PSEN1: variants seen among roughly 807,000 people sequenced by gnomAD.
PSEN1 encodes the protein presenilin-1.
Under a neutral mutation model 53.5 loss-of-function variants are expected in PSEN1, and 15 were observed. The observed-to-expected ratio is 0.28, with a 90% CI of 0.19 to 0.43. The LOEUF (loss-of-function observed/expected upper bound fraction) is 0.43. Among genes scored for constraint, PSEN1 ranks in the 20% least tolerant of loss-of-function variants. The pLI is 1.00. For synonymous variants in PSEN1, 208 were observed against 209.8 expected (o/e 0.99, Z 0.08); for missense variants, 387 against 571.2 (o/e 0.68, Z 3.29).
intron 8 of PSEN1, among the ~76,000 whole-genome samples, chr14:73,199,046 G>C (rs1177230266): frequency 6.6e-6 from 1 of 152,154 alleles, no homozygotes; most frequent in Non-Finnish European, 1.5e-5. Context: ...AAGTGCTTGA[G>C]TTACAGGTGT....
At chr14:73,184,752 C>G (rs1476484925) in intron 5 of PSEN1, among the ~76,000 whole-genome samples, 3 of 151,416 alleles carry the variant, frequency 2.0e-5, no homozygotes, top group South Asian at 2.1e-4. Context: ...GCTGACCCCC[C>G]CCACCTCCCT....
In PSEN1 at chr14:73,169,817, T is replaced by TA. The variant is rs1338740368; in HGVS notation, c.88-979dup. Among the ~76,000 whole-genome samples the TA allele has an allele frequency of 2.6e-5, 4 of 152,310 alleles. No homozygotes were observed. The South Asian group carries it at 6.2e-4, about 24-fold the overall frequency. On this transcript the variant is annotated intron_variant, in intron 3 of 11. Transcript: ENST00000324501. ...TGTGCCACCATGCCCGACTAATTTTTATATTTTTAGTAGAGACGGGGTTTC... is the reference window on the plus strand; with the variant it reads ...TGTGCCACCATGCCCGACTAATTTTTAATATTTTTAGTAGAGACGGGGTTTC...
intron 8 of PSEN1, among the ~76,000 whole-genome samples, chr14:73,204,070 C>T (rs542582661): frequency 6.6e-6 from 1 of 152,310 alleles, no homozygotes; most frequent in South Asian, 2.1e-4. Context: ...ACGATCTCGG[C>T]TCACCACAGC....
rs570623283 is a variant in PSEN1, at chr14:73,204,398, A to ATT, written c.869-1985_869-1984dup. Among the ~76,000 whole-genome samples, 12 of 151,366 alleles carry ATT rather than the reference A, an allele frequency of 7.9e-5. 1 individual carries two copies. In the East Asian group the frequency reaches 2.3e-3, roughly 29 times the overall value. Reference sequence around the variant, plus strand: ...GAAAAGTGATTTTTAAAAAAATATTATTTTAGGACTATTTAACAAATATAC... The same window carrying ATT: ...GAAAAGTGATTTTTAAAAAAATATTATTTTTTAGGACTATTTAACAAATATAC... On this transcript the variant is annotated intron_variant, in intron 8 of 11. Coordinates refer to ENST00000324501, the MANE Select transcript of PSEN1 (RefSeq NM_000021.4).
intron 9 of PSEN1, 44 bp from the exon 10 acceptor site, chr14:73,211,725 A>T: frequency 6.2e-7 from 1 of 1,607,576 alleles, no homozygotes; most frequent in African/African-American, 1.3e-5. Flanking sequence ...AAGGTATTAA[A>T]TTTTTCTAAA....
At chr14:73,188,774 TTTTG>T (rs976938927) in intron 6 of PSEN1, among the ~76,000 whole-genome samples, 4 of 152,012 alleles carry the variant, frequency 2.6e-5, no homozygotes, top group South Asian at 4.1e-4. Context: ...CTTTTCTTTC[TTTTG>T]TTTGTTTGTT....
chr14:73,155,903 A>C (rs1897340166), intron 3 of PSEN1, among the ~76,000 whole-genome samples: 1 of 152,192 alleles, frequency 6.6e-6, no homozygotes, highest in South Asian at 2.1e-4. Flanking sequence ...CCCTAAGGTA[A>C]ACTGTGGACT....
Position 73,205,856 on chromosome 14 carries a change from G to A in PSEN1, c.869-530G>A, listed in dbSNP as rs908174965. On this transcript the variant is annotated intron_variant, in intron 8 of 11. Coordinates refer to ENST00000324501, the MANE Select transcript of PSEN1 (RefSeq NM_000021.4). ...ATATACATGTATTTTTGTAGAAGGGGCACAGAGGAGGCCTCTTGACTATCC... is the reference window on the plus strand; with the variant it reads ...ATATACATGTATTTTTGTAGAAGGGACACAGAGGAGGCCTCTTGACTATCC... 3.9e-4 allele frequency among the ~76,000 whole-genome samples: 60 copies of A among 152,176 alleles called. 1 individual carries two copies. The highest frequency in any genetic ancestry group is 1.2e-3 in the South Asian group (6 of 4,834).
chr14:73,163,234 G>A (rs1460258451), intron 3 of PSEN1, among the ~76,000 whole-genome samples: 1 of 152,216 alleles, frequency 6.6e-6, no homozygotes, highest in Non-Finnish European at 1.5e-5. Context: ...CCTACATGGT[G>A]CTTCATTTTC....
intron 3 of PSEN1, chr14:73,159,995 T>C: frequency 4.8e-6 from 1 of 208,408 alleles, no homozygotes; most frequent in Non-Finnish European, 1.1e-5. Context: ...GCTAATTTTT[T>C]AATTTTTTTG....
intron 1 of PSEN1, among the ~76,000 whole-genome samples, chr14:73,144,957 A>G (rs1291090088): frequency 2.0e-5 from 3 of 152,084 alleles, no homozygotes; most frequent in Non-Finnish European, 2.9e-5. Context: ...CAGTGGCGCA[A>G]TCTTGCTTCA....
At chr14:73,169,511 TTC>T (rs1897823707) in intron 3 of PSEN1, 1 of 152,240 alleles carries the variant, frequency 6.6e-6, no homozygotes, top group Non-Finnish European at 1.5e-5. Context: ...ACTAAAGTAC[TTC>T]TCTCTTCCAG....
intron 8 of PSEN1, 90 bp from the exon 9 acceptor site, chr14:73,206,296 G>A: frequency 1.1e-6 from 1 of 888,794 alleles, no homozygotes; most frequent in South Asian, 1.3e-5. Context: ...TAGGAAGACT[G>A]GCGATTTGTG....
intron 3 of PSEN1, among the ~76,000 whole-genome samples, chr14:73,154,374 G>C (rs970214812): frequency 3.1e-4 from 47 of 151,960 alleles, no homozygotes; most frequent in African/African-American, 1.1e-3. Flanking sequence ...GAGGCAGGAG[G>C]ATCCCTTGAG....
At chr14:73,150,835 C>T (rs147622397) in intron 3 of PSEN1, among the ~76,000 whole-genome samples, 6 of 148,494 alleles carry the variant, frequency 4.0e-5, no homozygotes, top group African/African-American at 9.9e-5. Context: ...TTTGGGAGGC[C>T]GAGGAGGGCG....
chr14:73,220,465 G>A lies in PSEN1; in HGVS notation c.*1176G>A, dbSNP rs1161431989. On this transcript the variant is annotated 3_prime_UTR_variant, in exon 12 of 12. Transcript: ENST00000324501. ...CAGTAGCTCAGAATTTGAACAAATAGCCAAAAGCTGGTGGTTGATGAATTA... is the reference window on the plus strand; with the variant it reads ...CAGTAGCTCAGAATTTGAACAAATAACCAAAAGCTGGTGGTTGATGAATTA... The A allele has an allele frequency of 1.3e-5, 2 of 152,514 alleles. No homozygotes were observed. The allele number at this position is 152,514 out of a possible 1,614,324, so 9.4% of individuals were successfully genotyped here. A position where few individuals can be genotyped will look rare whatever the true frequency, so the allele number is the denominator to read the frequency against.
intron 6 of PSEN1, among the ~76,000 whole-genome samples, chr14:73,189,013 A>G (rs1010199240): frequency 6.6e-6 from 1 of 151,282 alleles, no homozygotes; most frequent in Non-Finnish European, 1.5e-5. Flanking sequence ...CTGTTCTCAA[A>G]CTCTTGACCT....
At chr14:73,212,907 C>A (rs1027961285) in intron 10 of PSEN1, among the ~76,000 whole-genome samples, 5 of 152,188 alleles carry the variant, frequency 3.3e-5, no homozygotes, top group Admixed American at 6.5e-5. Flanking sequence ...TAAAACATTA[C>A]AACAAGAATA....
At chr14:73,157,412 T>C (rs1337799853) in intron 3 of PSEN1, among the ~76,000 whole-genome samples, 1 of 152,158 alleles carries the variant, frequency 6.6e-6, no homozygotes, top group Non-Finnish European at 1.5e-5. Context: ...GTGCTGGGAT[T>C]ACAGGCGTGA....
Sources: allele counts gnomAD v4.1 joint callset (sites outside exome capture counted in the v4.1 genomes callset), GRCh38; gene constraint gnomAD v4.1.1; transcripts MANE v1.5; gene names NCBI Gene and HGNC (gene_info 2026-07-23, HGNC 2026-07-21).